Variants in RBKS observed in about 807,000 individuals in gnomAD.
RBKS encodes ribokinase.
Under a neutral mutation model 33.9 loss-of-function variants are expected in RBKS, and 33 were observed. That is an observed-to-expected ratio of 0.97 (90% CI 0.74 to 1.30). The LOEUF (loss-of-function observed/expected upper bound fraction) is 1.30. RBKS is among the 50% of genes most tolerant of loss of function. The pLI is 0.00. For synonymous variants in RBKS, 125 were observed against 143.0 expected (o/e 0.87, Z 0.90); for missense variants, 361 against 392.6 (o/e 0.92, Z 0.68).
chr2:27,858,653 T>C (rs554788832), intron 1 of RBKS, 82 bp from the exon 2 acceptor site: 10 of 1,242,654 alleles, frequency 8.0e-6, no homozygotes, highest in Admixed American at 4.0e-5. Context: ...GGGAAGGCTA[T>C]ATGGTAGAGC....
chr2:27,849,875 G>A (rs974124802), intron 2 of RBKS, among the ~76,000 whole-genome samples: 2 of 152,182 alleles, frequency 1.3e-5, no homozygotes, highest in African/African-American at 2.4e-5. Context: ...CTCAAAACCA[G>A]AAAACTATGA....
At chr2:27,789,868 A>ATGTG (rs112593610) in intron 7 of RBKS, among the ~76,000 whole-genome samples, 3,939 of 131,036 alleles carry the variant, frequency 0.03, 213 homozygotes, top group African/African-American at 0.1. Flanking sequence ...TGGCCAGCTG[A>ATGTG]TGTGTGTGTG....
At chr2:27,802,503 T>G (rs762398680) in intron 7 of RBKS, among the ~76,000 whole-genome samples, 8 of 151,226 alleles carry the variant, frequency 5.3e-5, no homozygotes, top group Non-Finnish European at 1.0e-4. Flanking sequence ...GGGAGGGTGA[T>G]TAGGAAAAAA....
Position 27,890,050 on chromosome 2 carries a change from C to T in RBKS, c.89+207G>A. The T allele has an allele frequency of 1.9e-6, 1 of 538,712 alleles. No individual in the cohort carries two copies. Among genetic ancestry groups the T allele is most frequent in the Non-Finnish European group, 3.3e-6 (1 of 301,120 alleles). 33.4% of individuals were successfully genotyped at this position (538,712 alleles called of 1,614,324 possible). A position where few individuals can be genotyped will look rare whatever the true frequency, so the allele number is the denominator to read the frequency against. On this transcript the variant is annotated intron_variant, in intron 1 of 7. Coordinates refer to ENST00000302188, the MANE Select transcript of RBKS (RefSeq NM_022128.3). This position sits in a 1 kb window ranked among gnomAD's most constrained non-coding sequence, Gnocchi z 4.8. ...GCTTTCACTAAACCCTGGCCTATTA[C>T]GTCCCCTCCCCTGAGATTTACCTTT...
At chr2:27,792,499 T>C (rs1677554744) in intron 7 of RBKS, among the ~76,000 whole-genome samples, 1 of 152,242 alleles carries the variant, frequency 6.6e-6, no homozygotes, top group South Asian at 2.1e-4. Flanking sequence ...TTCTAGTCTT[T>C]TCCCTAATTA....
chr2:27,866,576 T>G (rs1448870952), intron 1 of RBKS, among the ~76,000 whole-genome samples: 2 of 152,024 alleles, frequency 1.3e-5, no homozygotes, highest in Admixed American at 1.3e-4. Context: ...ACACTGTGCA[T>G]TTTTTTTCTC....
chr2:27,818,867 C>G (rs935256068), intron 7 of RBKS, among the ~76,000 whole-genome samples: 9 of 152,152 alleles, frequency 5.9e-5, no homozygotes, highest in Admixed American at 4.6e-4. Flanking sequence ...AAAGCAGCAC[C>G]GCTAGTTAAT....
At chr2:27,838,108 A>C (rs1267315880) in intron 5 of RBKS, among the ~76,000 whole-genome samples, 1 of 152,042 alleles carries the variant, frequency 6.6e-6, no homozygotes, top group Non-Finnish European at 1.5e-5. Flanking sequence ...GCTGAGGCAT[A>C]AGAATCACTT....
chr2:27,839,598 ATATTAGCAT>A (rs1663425391), intron 5 of RBKS, among the ~76,000 whole-genome samples: 1 of 152,246 alleles, frequency 6.6e-6, no homozygotes, highest in Admixed American at 6.5e-5. Context: ...CATAACTGAT[ATATTAGCAT>A]AATCTAGTTA....
rs183218629 is a variant in RBKS at position 27,789,284 on chromosome 2, T to C, written c.796-7496A>G. ...CTTTTTTTTTGGATTTTTGGAATATTTGCATTATACTCACTGGTTGAATAT... is the reference window on the plus strand; with the variant it reads ...CTTTTTTTTTGGATTTTTGGAATATCTGCATTATACTCACTGGTTGAATAT... On this transcript the variant is annotated intron_variant, in intron 7 of 7. Coordinates refer to ENST00000302188, the MANE Select transcript of RBKS (RefSeq NM_022128.3). Among the ~76,000 whole-genome samples the C allele has an allele frequency of 6.5e-4, 99 of 152,320 alleles. 1 individual carries two copies. Among genetic ancestry groups the C allele is most frequent in the African/African-American group, 2.4e-3 (98 of 41,556 alleles).
At chr2:27,791,676 CATATACAT>C (rs1677529306) in intron 7 of RBKS, among the ~76,000 whole-genome samples, 1 of 151,150 alleles carries the variant, frequency 6.6e-6, no homozygotes, top group African/African-American at 2.4e-5. Flanking sequence ...TATACATATA[CATATACAT>C]ATACATATAC....
At chr2:27,885,620 C>A (rs576805913) in intron 1 of RBKS, among the ~76,000 whole-genome samples, 63 of 152,294 alleles carry the variant, frequency 4.1e-4, no homozygotes, top group Non-Finnish European at 6.9e-4. Context: ...CTCTAAATAA[C>A]CTTTTCAGTG....
chr2:27,830,724 T>G (rs191454954), intron 6 of RBKS, among the ~76,000 whole-genome samples: 1 of 152,338 alleles, frequency 6.6e-6, no homozygotes, highest in East Asian at 1.9e-4. Context: ...CAAAGATAAC[T>G]GTATTAACCT....
Position 27,827,729 on chromosome 2 carries a change from C to G in RBKS, c.633G>C (p.Val211=), listed in dbSNP as rs1439471799. The G allele has an allele frequency of 1.2e-6, 2 of 1,605,138 alleles. No individual in the cohort carries two copies. The highest frequency in any genetic ancestry group is 4.5e-5 in the East Asian group (2 of 44,476). ...SEAEILTGLT[V]GSAADAGEAA... ...CCTCCCCAGCATCTGCAGCGCTGCCCACCGTGAGGCCAGTTAAAATCTCAG... is the reference window on the plus strand; with the variant it reads ...CCTCCCCAGCATCTGCAGCGCTGCCGACCGTGAGGCCAGTTAAAATCTCAG... Residue 211 remains valine, a synonymous_variant, in exon 7 of 8, where the codon GTG becomes GTC. Coordinates refer to ENST00000302188, the MANE Select transcript of RBKS (RefSeq NM_022128.3).
At chr2:27,857,703 C>A (rs570898606) in intron 2 of RBKS, among the ~76,000 whole-genome samples, 4 of 152,300 alleles carry the variant, frequency 2.6e-5, no homozygotes, top group South Asian at 2.1e-4. Context: ...ACGCTAATTT[C>A]CCTCACTTCT....
In RBKS at chr2:27,795,068, C is replaced by G. The variant is rs1417598487; in HGVS notation, c.796-13280G>C. ...GTTTCTTCTGTTTTCAACCAAGAACCATGACAGAGGCAATCTCCATGTGTT... is the reference window on the plus strand; with the variant it reads ...GTTTCTTCTGTTTTCAACCAAGAACGATGACAGAGGCAATCTCCATGTGTT... On this transcript the variant is annotated intron_variant, in intron 7 of 7. Coordinates refer to ENST00000302188, the MANE Select transcript of RBKS (RefSeq NM_022128.3). The surrounding 1 kb of genome is among the most constrained non-coding windows in gnomAD (Gnocchi z 4.1). 6.6e-6 allele frequency among the ~76,000 whole-genome samples: 1 copy of G among 152,200 alleles called. No individual in the cohort carries two copies. Among genetic ancestry groups the G allele is most frequent in the Admixed American group, 6.5e-5 (1 of 15,282 alleles).
intron 7 of RBKS, among the ~76,000 whole-genome samples, chr2:27,794,557 A>G (rs946083556): frequency 6.6e-6 from 1 of 151,610 alleles, no homozygotes; most frequent in Non-Finnish European, 1.5e-5. Flanking sequence ...CGTTGTAACC[A>G]TGAACTAGAC....
Position 27,819,444 on chromosome 2 carries a change from C to A in RBKS, c.795+8123G>T, listed in dbSNP as rs142209286. 1.3e-3 allele frequency among the ~76,000 whole-genome samples: 192 copies of A among 152,296 alleles called. 1 individual carries two copies. The highest frequency in any genetic ancestry group is 4.5e-3 in the African/African-American group (188 of 41,562). On this transcript the variant is annotated intron_variant, in intron 7 of 7. Transcript: ENST00000302188. ...TTCAACATATGAATTTTGGTGGGAACGCAATTCAGTCCACAGCATGGTGTT... is the reference window on the plus strand; with the variant it reads ...TTCAACATATGAATTTTGGTGGGAAAGCAATTCAGTCCACAGCATGGTGTT...
chr2:27,871,286 A>AAAAC (rs1175764627), intron 1 of RBKS, among the ~76,000 whole-genome samples: 1 of 152,188 alleles, frequency 6.6e-6, no homozygotes, highest in African/African-American at 2.4e-5. Context: ...AACAAACAAA[A>AAAAC]AAACCCAAAA....
Sources: gnomAD v4.1 joint callset for allele counts (sites outside exome capture counted in the v4.1 genomes callset) on GRCh38, gnomAD v4.1.1 for gene constraint, Gnocchi (gnomAD v3.1) non-coding constraint, MANE v1.5 for transcripts, NCBI Gene and HGNC (gene_info 2026-07-23, HGNC 2026-07-21) for gene names.